Variants in ALMS1 observed in about 807,000 individuals in gnomAD.
ALMS1 encodes centrosome-associated protein ALMS1.
In ALMS1, 271 loss-of-function variants were observed where a neutral mutation model predicts 352.2. That is an observed-to-expected ratio of 0.77 (90% CI 0.70 to 0.85). ALMS1 has a LOEUF of 0.85. Ranked by LOEUF, ALMS1 falls within the 40% of genes least tolerant of loss-of-function variation. The pLI, the probability that ALMS1 is intolerant of heterozygous loss-of-function variation, is 0.00. For missense variants in ALMS1, 5,445 were observed against 4,870.7 expected (o/e 1.12, Z -3.51); for synonymous variants, 1,865 against 1,761.2 (o/e 1.06, Z -1.48).
chr2:73,490,795 C>G lies in ALMS1; in HGVS notation c.8836C>G (p.His2946Asp), dbSNP rs1447918926. 1 of 1,613,864 alleles carries G rather than the reference C, an allele frequency of 6.2e-7. No individual in the cohort carries two copies. The highest frequency in any genetic ancestry group is 1.3e-5 in the African/African-American group (1 of 74,898). Residue 2946 changes from histidine (H) to aspartate (D), a missense_variant, in exon 10 of 23, where the codon CAT becomes GAT. Transcript: ENST00000613296. ...PYVDHQMREN[H>D]SPLPQGQDSI... ...TGTAGATCATCAAATGAGAGAAAACCATTCTCCCCTTCCTCAAGGTCAGGA... is the reference window on the plus strand; with the variant it reads ...TGTAGATCATCAAATGAGAGAAAACGATTCTCCCCTTCCTCAAGGTCAGGA...
intron 16 of ALMS1, among the ~76,000 whole-genome samples, chr2:73,585,551 G>T (rs556019778): frequency 1.3e-5 from 2 of 151,506 alleles, no homozygotes; most frequent in Non-Finnish European, 2.9e-5. Context: ...GTGCCACCAC[G>T]TCTGGCTAAT....
At chr2:73,476,921 T>C (rs1672595596) in intron 9 of ALMS1, among the ~76,000 whole-genome samples, 1 of 152,126 alleles carries the variant, frequency 6.6e-6, no homozygotes, top group Admixed American at 6.6e-5. Context: ...CTGATATAAG[T>C]TAATTGATAA....
rs560051299 is a variant in ALMS1, at chr2:73,495,949, C to T, written c.9539+4451C>T. On this transcript the variant is annotated intron_variant, in intron 10 of 22. Transcript: ENST00000613296. ...TCTGCATCTAGAGTACAGTGTTTAT[C>T]TGCAGTTTCGAAGTTATCATTAAAA... Among the ~76,000 whole-genome samples, 24 of 152,324 alleles carry T rather than the reference C, an allele frequency of 1.6e-4. No individual in the cohort carries two copies. In the East Asian group the frequency reaches 3.5e-3, roughly 22 times the overall value.
chr2:73,455,644 C>CTT (rs1036424943), intron 9 of ALMS1, among the ~76,000 whole-genome samples: 3 of 152,200 alleles, frequency 2.0e-5, no homozygotes, highest in Non-Finnish European at 2.9e-5. Flanking sequence ...TCAAGCGATC[C>CTT]TCTTGCCTTG....
intron 9 of ALMS1, among the ~76,000 whole-genome samples, chr2:73,460,807 G>C (rs537867883): frequency 2.0e-5 from 3 of 152,232 alleles, no homozygotes; most frequent in African/African-American, 7.2e-5. Context: ...CACATGGCTC[G>C]GAGGGTCCTA....
At chr2:73,425,376 G>A (rs1671359425) in intron 5 of ALMS1, among the ~76,000 whole-genome samples, 2 of 152,170 alleles carry the variant, frequency 1.3e-5, no homozygotes, top group African/African-American at 4.8e-5. Flanking sequence ...TATTAGGAAT[G>A]TTATAGCTCC....
Position 73,466,026 on chromosome 2 carries a change from A to T in ALMS1, c.7674+10731A>T, listed in dbSNP as rs1350360661. ...ATGTGGAGAAATAGGAACACTTTAC[A>T]CTGTTGGTGGGACTATAAACTAGTT... On this transcript the variant is annotated intron_variant, in intron 9 of 22. Transcript: ENST00000613296. 4.6e-5 allele frequency among the ~76,000 whole-genome samples: 7 copies of T among 151,254 alleles called. No individual in the cohort carries two copies. In the East Asian group the frequency reaches 9.7e-4, roughly 21 times the overall value.
At chr2:73,591,556 A>G (rs1190344184) in intron 16 of ALMS1, among the ~76,000 whole-genome samples, 1 of 152,216 alleles carries the variant, frequency 6.6e-6, no homozygotes, top group Non-Finnish European at 1.5e-5. Context: ...ACAGACCTGA[A>G]GAGGAAATTA....
intron 11 of ALMS1, among the ~76,000 whole-genome samples, chr2:73,534,412 G>GTAAC (rs1673983925): frequency 6.6e-6 from 1 of 152,112 alleles, no homozygotes; most frequent in Admixed American, 6.5e-5. Flanking sequence ...GTTAGGGTTC[G>GTAAC]ATGTAAGATA....
intron 10 of ALMS1, among the ~76,000 whole-genome samples, chr2:73,505,324 T>C (rs1209370230): frequency 6.6e-6 from 1 of 152,220 alleles, no homozygotes; most frequent in African/African-American, 2.4e-5. Context: ...TTGAACTAAT[T>C]TACACTTCCA....
In ALMS1 at chr2:73,600,890, C is replaced by G. The variant is rs768886966; in HGVS notation, c.11872+9C>G. 1 of 1,611,912 alleles carries G rather than the reference C, an allele frequency of 6.2e-7. No individual in the cohort carries two copies. The highest frequency in any genetic ancestry group is 1.7e-5 in the Admixed American group (1 of 59,958). On this transcript the variant is annotated intron_variant, in intron 18 of 22. Transcript: ENST00000613296. ...GAAGAATTCCCATGAAGGTCAGTTT[C>G]TCATTCCAGATCTTGTAGTAGAGAA... is the stretch of plus-strand genomic sequence containing the variant.
chr2:73,519,076 G>T (rs1673618762), intron 10 of ALMS1, among the ~76,000 whole-genome samples: 1 of 152,126 alleles, frequency 6.6e-6, no homozygotes. Flanking sequence ...TGATCACTTG[G>T]ATAAGGCAGT....
At chr2:73,401,854 C>G (rs1029907824) in intron 1 of ALMS1, among the ~76,000 whole-genome samples, 40 of 152,140 alleles carry the variant, frequency 2.6e-4, no homozygotes, top group African/African-American at 9.7e-4. Context: ...CTCCCCTGTT[C>G]CTCACTTCTA....
chr2:73,493,462 CCTGTAATCCCAGCA>C (rs1219028598), intron 10 of ALMS1, among the ~76,000 whole-genome samples: 1 of 151,698 alleles, frequency 6.6e-6, no homozygotes, highest in Non-Finnish European at 1.5e-5. Flanking sequence ...GTGGCTCACA[CCTGTAATCCCAGCA>C]CTTTGGGAGG....
intron 16 of ALMS1, among the ~76,000 whole-genome samples, chr2:73,593,548 C>T (rs758782321): frequency 8.5e-5 from 13 of 152,116 alleles, no homozygotes; most frequent in Non-Finnish European, 1.8e-4. Flanking sequence ...TTTCAGTTGG[C>T]ATACAATAAA....
chr2:73,412,307 T>C (rs900503593), intron 2 of ALMS1, among the ~76,000 whole-genome samples: 1 of 152,208 alleles, frequency 6.6e-6, no homozygotes. Flanking sequence ...TTCTCTTTAG[T>C]TTTACCTTTT....
At chr2:73,517,122 G>A (rs1305347195) in intron 10 of ALMS1, among the ~76,000 whole-genome samples, 1 of 151,636 alleles carries the variant, frequency 6.6e-6, no homozygotes, top group South Asian at 2.1e-4. Context: ...GTGAATGGTA[G>A]ACATACGGTA....
intron 13 of ALMS1, among the ~76,000 whole-genome samples, chr2:73,553,804 T>A (rs1385419763): frequency 1.3e-5 from 2 of 152,174 alleles, no homozygotes; most frequent in Non-Finnish European, 2.9e-5. Flanking sequence ...GTAGGAGGGT[T>A]TTATAATGAG....
chr2:73,453,611 C>T lies in ALMS1; in HGVS notation c.7084C>T (p.Pro2362Ser), dbSNP rs2103792526. The T allele has an allele frequency of 6.2e-7, 1 of 1,613,942 alleles. No homozygotes were observed. The highest frequency in any genetic ancestry group is 8.5e-7 in the Non-Finnish European group (1 of 1,179,988). The stretch of plus-strand genomic sequence containing the variant: ...TATTAGTTCAACTACAGTTAGAAGT[C>T]CTCTACAGGAAGCAGAGAGCAAAGT... ...EFISSTTVRS[P>S]LQEAESKVSM... Residue 2362 changes from proline (P) to serine (S), a missense_variant, in exon 8 of 23, where the codon CCT (proline) becomes TCT (serine). By Grantham distance (74) the Pro-to-Ser change is moderately conservative. Coordinates refer to ENST00000613296, the MANE Select transcript of ALMS1 (RefSeq NM_001378454.1).
Sources: gnomAD v4.1 joint callset for allele counts (sites outside exome capture counted in the v4.1 genomes callset) on GRCh38, gnomAD v4.1.1 for gene constraint, MANE v1.5 for transcripts, NCBI Gene and HGNC (gene_info 2026-07-23, HGNC 2026-07-21) for gene names.